SPC25: variants seen among roughly 807,000 people sequenced by gnomAD.
The protein encoded by SPC25 is kinetochore protein Spc25.
SPC25 carries 22 observed loss-of-function variants against 29.6 expected under a neutral mutation model. That is an observed-to-expected ratio of 0.74 (90% CI 0.53 to 1.06). SPC25 has a LOEUF of 1.06. SPC25 is among the 50% of genes least tolerant of loss of function. SPC25 has a pLI of 0.00. For missense variants in SPC25, 230 were observed against 255.8 expected, an observed-to-expected ratio of 0.90 and a Z score of 0.69; for synonymous variants, 91 against 90.4, an observed-to-expected ratio of 1.01 and a Z score of -0.04.
intron 4 of SPC25, chr2:168,865,381 G>A (rs963528268): frequency 2.5e-5 from 4 of 160,940 alleles, no homozygotes; most frequent in African/African-American, 9.6e-5. Context: ...AGGCCTATGA[G>A]GGGGTCAAGC....
At chr2:168,877,870 G>C (rs898345204) in intron 3 of SPC25, among the ~76,000 whole-genome samples, 1 of 151,858 alleles carries the variant, frequency 6.6e-6, no homozygotes, top group Non-Finnish European at 1.5e-5. Flanking sequence ...CATCACGCCT[G>C]GCTGATTTTT....
At chr2:168,874,101 T>C (rs1200662738) in intron 5 of SPC25, among the ~76,000 whole-genome samples, 1 of 152,048 alleles carries the variant, frequency 6.6e-6, no homozygotes, top group African/African-American at 2.4e-5. Flanking sequence ...AAAGAATATA[T>C]AAAAATGGCC....
intron 6 of SPC25, among the ~76,000 whole-genome samples, chr2:168,872,232 T>G (rs1328162779): frequency 1.3e-5 from 2 of 152,218 alleles, no homozygotes; most frequent in African/African-American, 4.8e-5. Context: ...CCTCCCAAAG[T>G]GCTGGGATTA....
intron 3 of SPC25, among the ~76,000 whole-genome samples, chr2:168,879,920 G>C (rs192303943): frequency 0.034 from 5,164 of 152,250 alleles, 278 homozygotes; most frequent in African/African-American, 0.11. Context: ...TATTTTGAAA[G>C]CCATCTTTTT....
rs773259950 is a variant in SPC25, at chr2:168,871,392, G to A, written c.*39C>T. ...AAGAAAAAAAGAGATATGTAATAGAGAAGAAAAATAAACCGTTTTTATATA... is the reference window on the plus strand; with the variant it reads ...AAGAAAAAAAGAGATATGTAATAGAAAAGAAAAATAAACCGTTTTTATATA... On this transcript the variant is annotated 3_prime_UTR_variant, in exon 7 of 7. Transcript: ENST00000282074. 3 of 1,541,018 alleles carry A rather than the reference G, an allele frequency of 1.9e-6. No individual in the cohort carries two copies. Among genetic ancestry groups the A allele is most frequent in the Non-Finnish European group, 1.7e-6 (2 of 1,145,866 alleles).
rs752904874 is a variant in SPC25 at position 168,889,452 on chromosome 2, G to A, written c.68C>T (p.Thr23Met). Residue 23 changes from threonine to methionine, a missense_variant, in exon 2 of 7, where the codon ACG (threonine) becomes ATG (methionine). Coordinates refer to ENST00000282074, the MANE Select transcript of SPC25 (RefSeq NM_020675.4). ...INEFWNKFKSTDTSCQMAGLR... is the reference protein window; with the variant it reads ...INEFWNKFKSMDTSCQMAGLR... ...TCCCGCCATCTGACAGGAGGTGTCC[G>A]TACTTTTGAATTTATTCCAAAATTC... is the stretch of plus-strand genomic sequence containing the variant. 3.1e-6 allele frequency: 5 copies of A among 1,613,920 alleles called. No homozygotes were observed. Among genetic ancestry groups the A allele is most frequent in the African/African-American group, 2.7e-5 (2 of 74,896 alleles).
At chr2:168,889,035 A>ATATATACGTATATATACACATATATG in intron 3 of SPC25, among the ~76,000 whole-genome samples, 191 bp downstream of exon 3, 1 of 21,900 alleles carries the variant, frequency 4.6e-5, no homozygotes, top group East Asian at 1.7e-3. Context: ...ATATATATAC[A>ATATATACGTATATATACACATATATG]TATATATATA....
chr2:168,864,809 C>G (rs376851617), intron 4 of SPC25: 1 of 1,612,864 alleles, frequency 6.2e-7, no homozygotes, highest in African/African-American at 1.3e-5. Flanking sequence ...CACAGAGACC[C>G]ATTTGTCTAA....
In SPC25 at chr2:168,889,232, G is replaced by C. The variant is rs1248218685; in HGVS notation, c.193C>G (p.Gln65Glu). The C allele has an allele frequency of 1.9e-6, 3 of 1,611,044 alleles. No homozygotes were observed. Among genetic ancestry groups the C allele is most frequent in the East Asian group, 2.2e-5 (1 of 44,812 alleles). ...ERMVEMFLEYQNQISRQNKLI... is the reference protein window; with the variant it reads ...ERMVEMFLEYENQISRQNKLI... ...TTTATACTTTTTCACATACGATTTT[G>C]ATATTCCAGAAACATCTCAACCATT... Residue 65 changes from glutamine to glutamate, a missense_variant, in exon 3 of 7, where the codon CAA becomes GAA. Physicochemically the swap from Gln to Glu is conservative, Grantham distance 29. Transcript: ENST00000282074.
rs552911828 is a variant in SPC25 at position 168,862,877 on chromosome 2, G to A, written n.419+10708C>T. On this transcript the variant is annotated intron_variant and non_coding_transcript_variant, in intron 4 of 4. Transcript: ENST00000479309. ...GAGAAAGAATATTATCCACGACAAG[G>A]ACATGGCTCCCAGAGCCAATGGAAA... Among the ~76,000 whole-genome samples, 5 of 152,310 alleles carry A rather than the reference G, an allele frequency of 3.3e-5. No individual in the cohort carries two copies. In the East Asian group the frequency reaches 9.6e-4, roughly 29 times the overall value.
chr2:168,887,710 A>G (rs1690294560), intron 3 of SPC25, among the ~76,000 whole-genome samples: 1 of 152,226 alleles, frequency 6.6e-6, no homozygotes, highest in South Asian at 2.1e-4. Flanking sequence ...AGTAAAAACT[A>G]CTGGTTTACT....
chr2:168,874,460 A>G (rs887595945), intron 5 of SPC25, among the ~76,000 whole-genome samples: 3 of 152,180 alleles, frequency 2.0e-5, no homozygotes, highest in African/African-American at 7.2e-5. Flanking sequence ...CATAGTAGCC[A>G]AAAAGTGGAA....
chr2:168,865,144 A>T, intron 4 of SPC25: 1 of 702,098 alleles, frequency 1.4e-6, no homozygotes, highest in Non-Finnish European at 2.3e-6. Flanking sequence ...GTCAGAAAAA[A>T]GATGGATGGG....
intron 3 of SPC25, among the ~76,000 whole-genome samples, chr2:168,885,415 C>T (rs1259326418): frequency 6.6e-6 from 1 of 152,188 alleles, no homozygotes; most frequent in East Asian, 1.9e-4. Context: ...TCTCACTCCC[C>T]TCCTGTTTAT....
At position 168,888,951 on chromosome 2, in the gene SPC25, G is replaced by GTATA. The variant is rs1240964693; in HGVS notation, c.199+274_199+275insTATA. Reference sequence around the variant, plus strand: ...TGTGTGTGTGTGTGTGTGTGTGTGTGTGTGTGTATATATATATATATACAC... The same window carrying GTATA: ...TGTGTGTGTGTGTGTGTGTGTGTGTGTATATGTGTGTATATATATATATATACAC... On this transcript the variant is annotated intron_variant, in intron 3 of 6. Transcript: ENST00000282074. Among the ~76,000 whole-genome samples, 3 of 63,592 alleles carry GTATA rather than the reference G, an allele frequency of 4.7e-5. No homozygotes were observed. The East Asian group carries it at 1.9e-3, about 41-fold the overall frequency. The allele number at this position is 63,592 out of a possible 152,430, so 41.7% of individuals were successfully genotyped here.
chr2:168,877,132 G>A lies in SPC25; in HGVS notation c.346+106C>T, dbSNP rs964741184. On this transcript the variant is annotated intron_variant, in intron 4 of 6. Transcript: ENST00000282074. The stretch of plus-strand genomic sequence containing the variant: ...GTGGCTGGTTATGCCCTGGGGTACT[G>A]TAATCCATTTTTAGCAATGAACTGG... 3.8e-5 allele frequency: 48 copies of A among 1,250,356 alleles called. No individual in the cohort carries two copies. In the Middle Eastern group the frequency reaches 8.5e-4, roughly 22 times the overall value. The allele number at this position is 1,250,356 out of a possible 1,614,324, so 77.5% of individuals were successfully genotyped here.
chr2:168,862,844 C>A (rs1054437171), intron 4 of SPC25, among the ~76,000 whole-genome samples: 2 of 152,096 alleles, frequency 1.3e-5, no homozygotes, highest in Admixed American at 6.5e-5. Context: ...GAAAGAGTAA[C>A]GTTATGGGAG....
At chr2:168,872,417 T>C (rs945373592) in intron 6 of SPC25, among the ~76,000 whole-genome samples, 2 of 152,142 alleles carry the variant, frequency 1.3e-5, no homozygotes, top group African/African-American at 4.8e-5. Flanking sequence ...CAAATGAGAC[T>C]CAAAGTCACG....
intron 3 of SPC25, among the ~76,000 whole-genome samples, chr2:168,880,002 T>C (rs1241962639): frequency 6.6e-6 from 1 of 152,246 alleles, no homozygotes; most frequent in Non-Finnish European, 1.5e-5. Context: ...TGTGCTGTCA[T>C]CTAGGCTTTG....
Sources: gnomAD v4.1 joint callset for allele counts (sites outside exome capture counted in the v4.1 genomes callset) on GRCh38, gnomAD v4.1.1 for gene constraint, MANE v1.5 for transcripts, NCBI Gene and HGNC (gene_info 2026-07-23, HGNC 2026-07-21) for gene names.